The following TRHDE variants were observed in gnomAD, a reference collection of about 807,000 sequenced individuals.
TRHDE encodes thyrotropin releasing hormone degrading enzyme.
Under a neutral mutation model 125.7 loss-of-function variants are expected in TRHDE, and 72 were observed. The ratio of observed to expected loss-of-function variants is 0.57; its 90% CI spans 0.47 to 0.70. The LOEUF (loss-of-function observed/expected upper bound fraction) is 0.70. TRHDE is among the 30% of genes least tolerant of loss of function. TRHDE has a pLI of 0.00. For missense variants in TRHDE, 1,110 were observed against 1,327.1 expected (o/e 0.84, Z 2.54); for synonymous variants, 509 against 509.1 (o/e 1.00, Z 0.00).
At chr12:72,489,901 A>G (rs1384003071) in intron 5 of TRHDE, among the ~76,000 whole-genome samples, 1 of 151,936 alleles carries the variant, frequency 6.6e-6, no homozygotes, top group Non-Finnish European at 1.5e-5. Flanking sequence ...AGATGAGAAC[A>G]TAGGGGAAAA....
chr12:72,088,900 A>G (rs1160427760), intron 1 of TRHDE, among the ~76,000 whole-genome samples: 1 of 152,002 alleles, frequency 6.6e-6, no homozygotes, highest in African/African-American at 2.4e-5. Context: ...ATTCCTAAAT[A>G]TGTATCTCTA....
At chr12:72,088,030 G>A (rs560974882) in intron 1 of TRHDE, among the ~76,000 whole-genome samples, 91 of 152,200 alleles carry the variant, frequency 6.0e-4, no homozygotes, top group African/African-American at 2.1e-3. Context: ...ACTTGAAAAA[G>A]TTTATCACTA....
chr12:72,597,713 GTATATATATATATATATA>G (rs762515309), intron 12 of TRHDE, among the ~76,000 whole-genome samples: 783 of 18,490 alleles, frequency 0.042, 41 homozygotes, highest in South Asian at 0.1. Context: ...GTGTGTGTAT[GTATATATATATATATATA>G]TATATATATA....
intron 2 of TRHDE, among the ~76,000 whole-genome samples, chr12:72,166,501 T>G (rs957640358): frequency 6.6e-6 from 1 of 152,214 alleles, no homozygotes; most frequent in Non-Finnish European, 1.5e-5. Flanking sequence ...TAGCAGGGAC[T>G]AGATATCTAT....
chr12:72,525,601 TTGTGTGTGTGTGTG>T (rs3081972), intron 6 of TRHDE, among the ~76,000 whole-genome samples: 1 of 127,670 alleles, frequency 7.8e-6, no homozygotes, highest in African/African-American at 3.2e-5. Flanking sequence ...TGTGTGTGGT[TTGTGTGTGTGTGTG>T]TGTGTGTGTG....
intron 3 of TRHDE, among the ~76,000 whole-genome samples, chr12:72,410,960 A>G (rs1244721524): frequency 1.3e-5 from 2 of 152,058 alleles, no homozygotes; most frequent in African/African-American, 4.8e-5. Flanking sequence ...TGGGAGGCCA[A>G]GGTGGGTGGA....
intron 3 of TRHDE, among the ~76,000 whole-genome samples, chr12:72,398,554 C>G (rs1465979871): frequency 6.6e-6 from 1 of 152,194 alleles, no homozygotes; most frequent in African/African-American, 2.4e-5. Context: ...CAGTACTTGA[C>G]ATATGGTAGA....
At chr12:72,588,977 C>T (rs912073500) in intron 12 of TRHDE, among the ~76,000 whole-genome samples, 2 of 152,184 alleles carry the variant, frequency 1.3e-5, no homozygotes, top group Non-Finnish European at 2.9e-5. Context: ...CCTGAGAACT[C>T]ACTATCACAA....
At chr12:72,495,068 T>TG (rs1211788338) in intron 5 of TRHDE, among the ~76,000 whole-genome samples, 1 of 138,486 alleles carries the variant, frequency 7.2e-6, no homozygotes, top group Non-Finnish European at 1.6e-5. Context: ...CCGTTTTTTT[T>TG]TTTTTTTTTT....
chr12:72,583,603 T>A (rs1383535463), intron 12 of TRHDE, among the ~76,000 whole-genome samples: 2 of 152,212 alleles, frequency 1.3e-5, no homozygotes, highest in Non-Finnish European at 2.9e-5. Flanking sequence ...TTAAAAATAG[T>A]CTGAAAACAT....
intron 2 of TRHDE, among the ~76,000 whole-genome samples, chr12:72,333,960 C>T (rs906657536): frequency 2.0e-5 from 3 of 151,704 alleles, no homozygotes; most frequent in Non-Finnish European, 4.4e-5. Context: ...TTAAAGTCAA[C>T]CGTTTGATTT....
At chr12:72,138,649 C>G (rs966377153) in intron 2 of TRHDE, among the ~76,000 whole-genome samples, 4 of 152,178 alleles carry the variant, frequency 2.6e-5, no homozygotes, top group African/African-American at 9.7e-5. Flanking sequence ...TTAATAACAT[C>G]AGATAATTGT....
At chr12:72,296,775 C>A (rs2135680811) in intron 2 of TRHDE, among the ~76,000 whole-genome samples, 1 of 152,062 alleles carries the variant, frequency 6.6e-6, no homozygotes, top group East Asian at 1.9e-4. Flanking sequence ...AATTGATGAA[C>A]CTCCAGAAAT....
intron 6 of TRHDE, among the ~76,000 whole-genome samples, chr12:72,504,501 AC>A (rs1323757933): frequency 6.6e-6 from 1 of 151,950 alleles, no homozygotes; most frequent in African/African-American, 2.4e-5. Context: ...ACGAGGTTTC[AC>A]CATATTGGCC....
At chr12:72,582,726 C>T (rs1213065653) in intron 12 of TRHDE, 2 of 645,550 alleles carry the variant, frequency 3.1e-6, no homozygotes, top group Non-Finnish European at 3.8e-6. Flanking sequence ...CTTTGGCAGA[C>T]TGGACTTTTT....
chr12:72,203,766 C>G (rs1027162927), intron 2 of TRHDE, among the ~76,000 whole-genome samples: 2 of 151,906 alleles, frequency 1.3e-5, no homozygotes, highest in African/African-American at 2.4e-5. Flanking sequence ...TCTATTATAC[C>G]CCTAAGTGAT....
intron 15 of TRHDE, among the ~76,000 whole-genome samples, chr12:72,637,050 A>G (rs960170105): frequency 6.6e-6 from 1 of 151,982 alleles, no homozygotes; most frequent in Non-Finnish European, 1.5e-5. Flanking sequence ...CTCTTTTTCT[A>G]TTGATTGGAA....
chr12:72,186,454 C>G (rs1877215527), intron 2 of TRHDE: 1 of 162,658 alleles, frequency 6.1e-6, no homozygotes, highest in South Asian at 1.9e-4. Context: ...ACCACGAACC[C>G]ACCAGAAGGA....
At chr12:72,226,267 A>G (rs1001702064) in intron 2 of TRHDE, among the ~76,000 whole-genome samples, 2 of 152,196 alleles carry the variant, frequency 1.3e-5, no homozygotes, top group African/African-American at 4.8e-5. Context: ...GATTTGATAT[A>G]AAAAGGAAAC....
Sources: gnomAD v4.1 joint callset for allele counts (sites outside exome capture counted in the v4.1 genomes callset) on GRCh38, gnomAD v4.1.1 for gene constraint, MANE v1.5 for transcripts, NCBI Gene and HGNC (gene_info 2026-07-23, HGNC 2026-07-21) for gene names.